STK39: variants seen among roughly 807,000 people sequenced by gnomAD.
STK39 encodes the protein serine/threonine kinase 39, also known as STE20/SPS1-related proline-alanine-rich protein kinase.
A neutral mutation model predicts 77.8 loss-of-function variants in STK39; 20 were observed. The ratio of observed to expected loss-of-function variants is 0.26; its 90% CI spans 0.18 to 0.37. The LOEUF (loss-of-function observed/expected upper bound fraction) is 0.37, where lower values mean the gene tolerates loss of function less well. Among genes scored for constraint, STK39 ranks in the 10% least tolerant of loss-of-function variants. The pLI is 1.00. For synonymous variants in STK39, 246 were observed against 234.1 expected (o/e 1.05, Z -0.47); for missense variants, 479 against 656.5 (o/e 0.73, Z 2.95).
chr2:168,215,376 C>T (rs113135328), intron 1 of STK39, among the ~76,000 whole-genome samples: 5 of 152,118 alleles, frequency 3.3e-5, no homozygotes, highest in African/African-American at 7.2e-5. Flanking sequence ...ATGACCCTTC[C>T]GTAAGCCCCG....
At chr2:168,013,660 T>C (rs1324499948) in intron 15 of STK39, among the ~76,000 whole-genome samples, 1 of 152,212 alleles carries the variant, frequency 6.6e-6, no homozygotes, top group Non-Finnish European at 1.5e-5. Flanking sequence ...AGGGGGCACC[T>C]GAAAGTACAG....
chr2:168,168,225 AAAC>A (rs1688736580), intron 2 of STK39, among the ~76,000 whole-genome samples: 2 of 152,204 alleles, frequency 1.3e-5, no homozygotes, highest in Admixed American at 6.5e-5. Context: ...TAAAGACATA[AAAC>A]AACAAAGCTG....
At chr2:168,202,395 A>G (rs1218805136) in intron 1 of STK39, among the ~76,000 whole-genome samples, 1 of 152,202 alleles carries the variant, frequency 6.6e-6, no homozygotes, top group African/African-American at 2.4e-5. Flanking sequence ...GTACAGACAC[A>G]TTCACTTTAT....
At chr2:168,020,787 A>C (rs750910244) in intron 14 of STK39, among the ~76,000 whole-genome samples, 20 of 152,082 alleles carry the variant, frequency 1.3e-4, no homozygotes, top group Non-Finnish European at 2.6e-4. Context: ...CTCCAAGTTT[A>C]CAAATTTAAT....
chr2:168,212,219 T>C (rs7609481), intron 1 of STK39, among the ~76,000 whole-genome samples: 5,131 of 152,282 alleles, frequency 0.034, 273 homozygotes, highest in East Asian at 0.24. Context: ...CTGAATACCT[T>C]GTGCTTAACA....
chr2:168,075,495 T>C (rs562849035), intron 10 of STK39, among the ~76,000 whole-genome samples: 5 of 152,176 alleles, frequency 3.3e-5, no homozygotes, highest in Admixed American at 6.5e-5. Context: ...ACATTGCACA[T>C]ATAAGCAATT....
At chr2:168,158,637 G>C (rs1482379139) in intron 5 of STK39, among the ~76,000 whole-genome samples, 2 of 152,198 alleles carry the variant, frequency 1.3e-5, no homozygotes, top group East Asian at 1.9e-4. Flanking sequence ...TCTAGAGTCA[G>C]ACTGTCCAAA....
At chr2:168,231,933 G>A (rs1008901632) in intron 1 of STK39, 1 of 235,396 alleles carries the variant, frequency 4.2e-6, no homozygotes, top group African/African-American at 2.3e-5. Flanking sequence ...ACCTCTTCTT[G>A]TAGCCATATT....
intron 16 of STK39, among the ~76,000 whole-genome samples, chr2:167,995,614 G>C (rs893518738): frequency 6.6e-6 from 1 of 152,302 alleles, no homozygotes; most frequent in Middle Eastern, 3.4e-3. Flanking sequence ...TATCAAGAGA[G>C]AGAAGATGGA....
chr2:168,133,951 T>G (rs1209356402), intron 8 of STK39, among the ~76,000 whole-genome samples: 1 of 152,160 alleles, frequency 6.6e-6, no homozygotes, highest in African/African-American at 2.4e-5. Flanking sequence ...TTTTTTTGGT[T>G]TTTATTTTCT....
Position 168,171,095 on chromosome 2 carries a change from T to C in STK39, c.322-3688A>G, listed in dbSNP as rs190254411. On this transcript the variant is annotated intron_variant, in intron 2 of 17. Transcript: ENST00000355999. ...AGCGCCAAACCAAGCTATGGCACAG[T>C]AGTTAATCTTCTCTGAGGCTGACAG... Among the ~76,000 whole-genome samples the C allele has an allele frequency of 2.6e-5, 4 of 152,336 alleles. No individual in the cohort carries two copies. In the East Asian group the frequency reaches 7.7e-4, roughly 29 times the overall value.
intron 14 of STK39, among the ~76,000 whole-genome samples, chr2:168,039,546 T>G (rs1317271851): frequency 5.2e-5 from 1 of 19,178 alleles, no homozygotes; most frequent in East Asian, 6.1e-4. Flanking sequence ...GAGCCGAGAT[T>G]GCGCCACTGC....
intron 10 of STK39, among the ~76,000 whole-genome samples, chr2:168,091,732 G>C (rs533193228): frequency 2.0e-5 from 3 of 151,918 alleles, no homozygotes; most frequent in African/African-American, 4.8e-5. Flanking sequence ...GGTGAAAATA[G>C]GATAACAAAC....
At chr2:168,112,658 C>A (rs1055283164) in intron 10 of STK39, among the ~76,000 whole-genome samples, 3 of 152,092 alleles carry the variant, frequency 2.0e-5, no homozygotes, top group African/African-American at 7.2e-5. Context: ...ACTAATACAA[C>A]CCCTATATTC....
At chr2:168,233,016 T>A (rs938858420) in intron 1 of STK39, among the ~76,000 whole-genome samples, 3 of 152,194 alleles carry the variant, frequency 2.0e-5, no homozygotes, top group Non-Finnish European at 4.4e-5. Context: ...AGGCTCATCA[T>A]CTCTTGGCCC....
At chr2:168,217,206 A>T (rs1483984552) in intron 1 of STK39, among the ~76,000 whole-genome samples, 2 of 152,218 alleles carry the variant, frequency 1.3e-5, no homozygotes, top group African/African-American at 2.4e-5. Flanking sequence ...CTAGAAAGTA[A>T]TGAGTCTGAA....
At chr2:168,059,641 G>A (rs963531721) in intron 14 of STK39, among the ~76,000 whole-genome samples, 1 of 152,166 alleles carries the variant, frequency 6.6e-6, no homozygotes, top group African/African-American at 2.4e-5. Context: ...TTCAGCCTGC[G>A]AGACACTGAG....
At chr2:168,002,168 T>C (rs1186322913) in intron 16 of STK39, among the ~76,000 whole-genome samples, 7 of 152,222 alleles carry the variant, frequency 4.6e-5, no homozygotes, top group African/African-American at 1.7e-4. Flanking sequence ...TTGGATTCTA[T>C]CTCTGTACTA....
At chr2:168,128,343 G>C (rs1320973219) in intron 10 of STK39, among the ~76,000 whole-genome samples, 1 of 152,154 alleles carries the variant, frequency 6.6e-6, no homozygotes, top group Non-Finnish European at 1.5e-5. Flanking sequence ...ATCTCTTTCA[G>C]TCTTCTGATA....
Sources: gnomAD v4.1 joint callset for allele counts (sites outside exome capture counted in the v4.1 genomes callset) on GRCh38, gnomAD v4.1.1 for gene constraint, MANE v1.5 for transcripts, NCBI Gene and HGNC (gene_info 2026-07-23, HGNC 2026-07-21) for gene names.